Variants in TTC29 observed in about 807,000 individuals in gnomAD.
TTC29 encodes tetratricopeptide repeat domain 29.
In TTC29, 49 loss-of-function variants were observed where a neutral mutation model predicts 58.1. The observed-to-expected ratio is 0.84, with a 90% CI of 0.67 to 1.07. The LOEUF (loss-of-function observed/expected upper bound fraction) is 1.07. Ranked by LOEUF, TTC29 falls within the 50% of genes least tolerant of loss-of-function variation. The pLI is 0.00. For synonymous variants in TTC29, 209 were observed against 196.8 expected (o/e 1.06, Z -0.52); for missense variants, 582 against 555.6 (o/e 1.05, Z -0.48).
At chr4:146,726,582 T>C (rs1743799537) in intron 11 of TTC29, among the ~76,000 whole-genome samples, 1 of 152,204 alleles carries the variant, frequency 6.6e-6, no homozygotes, top group Non-Finnish European at 1.5e-5. Context: ...CCTGTTATCT[T>C]GCTCAAGGTT....
chr4:146,760,846 ATATATATATGATGGAATAC>A (rs2150061536), intron 11 of TTC29, among the ~76,000 whole-genome samples: 1 of 136,658 alleles, frequency 7.3e-6, no homozygotes, highest in South Asian at 2.3e-4. Context: ...ATGGAATACT[ATATATATATGATGGAATAC>A]TATATATATA....
intron 4 of TTC29, 64 bp downstream of exon 4, chr4:146,937,530 C>A: frequency 9.2e-7 from 1 of 1,086,478 alleles, no homozygotes; most frequent in Admixed American, 3.1e-5. Flanking sequence ...ATTGAAATTT[C>A]AATAAAGAAT....
At chr4:146,789,512 AT>A (rs1749273713) in intron 11 of TTC29, among the ~76,000 whole-genome samples, 1 of 152,184 alleles carries the variant, frequency 6.6e-6, no homozygotes, top group Non-Finnish European at 1.5e-5. Flanking sequence ...GTGAAGTTTA[AT>A]TTTCCACAGG....
chr4:146,746,315 A>G (rs1745542933), intron 11 of TTC29, among the ~76,000 whole-genome samples: 1 of 151,922 alleles, frequency 6.6e-6, no homozygotes, highest in Non-Finnish European at 1.5e-5. Flanking sequence ...AGGACTCGTT[A>G]GTATGCTCAA....
At chr4:146,802,025 C>T (rs566786660) in intron 11 of TTC29, among the ~76,000 whole-genome samples, 4 of 114,884 alleles carry the variant, frequency 3.5e-5, no homozygotes, top group African/African-American at 8.8e-5. Context: ...TTTTTTAAAG[C>T]GAAAATCAGG....
chr4:146,893,406 A>G (rs547063311), intron 6 of TTC29, among the ~76,000 whole-genome samples: 125 of 152,182 alleles, frequency 8.2e-4, no homozygotes, highest in Non-Finnish European at 1.4e-3. Context: ...TCTTTGACAA[A>G]CCTGAGAAAA....
intron 11 of TTC29, among the ~76,000 whole-genome samples, chr4:146,715,712 G>A (rs1342748481): frequency 6.6e-6 from 1 of 152,034 alleles, no homozygotes; most frequent in African/African-American, 2.4e-5. Flanking sequence ...ATTGCAGGGT[G>A]GATATGGTTA....
intron 11 of TTC29, among the ~76,000 whole-genome samples, chr4:146,794,301 T>G (rs1294477201): frequency 6.6e-6 from 1 of 152,128 alleles, no homozygotes; most frequent in Non-Finnish European, 1.5e-5. Flanking sequence ...CCTACTAAGA[T>G]TTTAATGAAA....
chr4:146,768,574 C>T (rs987605021), intron 11 of TTC29, among the ~76,000 whole-genome samples: 1 of 151,738 alleles, frequency 6.6e-6, no homozygotes, highest in African/African-American at 2.4e-5. Context: ...GAGATTTTTT[C>T]CCCTCCATTA....
chr4:146,733,504 T>C (rs1744498146), intron 11 of TTC29, among the ~76,000 whole-genome samples: 2 of 152,172 alleles, frequency 1.3e-5, no homozygotes, highest in South Asian at 4.1e-4. Context: ...TAACACTTTA[T>C]GGACTTTAAG....
intron 11 of TTC29, among the ~76,000 whole-genome samples, chr4:146,725,164 G>T (rs1743675135): frequency 6.6e-6 from 1 of 152,094 alleles, no homozygotes; most frequent in Admixed American, 6.5e-5. Flanking sequence ...ATTTTTCCTG[G>T]AAAGGCATTA....
chr4:146,937,572 T>A (rs1047323298), intron 4 of TTC29, 22 bp downstream of exon 4: 1 of 1,384,454 alleles, frequency 7.2e-7, no homozygotes, highest in African/African-American at 1.5e-5. Flanking sequence ...TATATTAAAG[T>A]ACCTTTAAAG....
intron 2 of TTC29, among the ~76,000 whole-genome samples, chr4:146,943,219 C>G (rs1286078602): frequency 9.2e-6 from 1 of 108,458 alleles, no homozygotes; most frequent in Non-Finnish European, 1.7e-5. Flanking sequence ...GTCAACGTTT[C>G]CTACCATTAA....
At chr4:146,769,683 G>A (rs1439001812) in intron 11 of TTC29, among the ~76,000 whole-genome samples, 1 of 151,966 alleles carries the variant, frequency 6.6e-6, no homozygotes, top group Non-Finnish European at 1.5e-5. Flanking sequence ...AATCATTTTA[G>A]TTATACTTTG....
intron 2 of TTC29, among the ~76,000 whole-genome samples, chr4:146,942,290 A>C (rs1736476405): frequency 6.6e-6 from 1 of 152,240 alleles, no homozygotes; most frequent in Admixed American, 6.5e-5. Flanking sequence ...TCTACCCTTT[A>C]AAGGGTCTAT....
chr4:146,786,179 G>T (rs1343700572), intron 11 of TTC29, among the ~76,000 whole-genome samples: 1 of 152,170 alleles, frequency 6.6e-6, no homozygotes, highest in Non-Finnish European at 1.5e-5. Context: ...AAAACAAGAA[G>T]TCTCTCCCTC....
intron 8 of TTC29, among the ~76,000 whole-genome samples, chr4:146,835,984 T>C (rs1728484320): frequency 6.6e-6 from 1 of 152,148 alleles, no homozygotes; most frequent in Non-Finnish European, 1.5e-5. Flanking sequence ...TGGAGACAGA[T>C]GCAGCCTGCT....
chr4:146,845,623 A>G (rs1468775364), intron 8 of TTC29, among the ~76,000 whole-genome samples: 2 of 152,198 alleles, frequency 1.3e-5, no homozygotes, highest in Non-Finnish European at 2.9e-5. Context: ...TGCTTTGCCA[A>G]TGCAGAAATG....
rs1000515258 is a variant in TTC29, at chr4:146,753,921, G to A, written c.1331-46370C>T. Among the ~76,000 whole-genome samples, 3 of 151,990 alleles carry A rather than the reference G, an allele frequency of 2.0e-5. No individual in the cohort carries two copies. In the East Asian group the frequency reaches 5.8e-4, roughly 29 times the overall value. ...GACTGTTGTGGGGTGGGGGAAGGGG[G>A]GAGGGATAGCATTAGGAGATATACC... is the stretch of plus-strand genomic sequence containing the variant. On this transcript the variant is annotated intron_variant, in intron 11 of 12. Coordinates refer to ENST00000325106, the MANE Select transcript of TTC29 (RefSeq NM_031956.4).
Sources: allele counts gnomAD v4.1 joint callset (sites outside exome capture counted in the v4.1 genomes callset), GRCh38; gene constraint gnomAD v4.1.1; transcripts MANE v1.5; gene names NCBI Gene and HGNC (gene_info 2026-07-23, HGNC 2026-07-21).